Variants in GPHN observed in about 807,000 individuals in gnomAD.
GPHN encodes gephyrin.
Under a neutral mutation model 95.5 loss-of-function variants are expected in GPHN, and 17 were observed. That is an observed-to-expected ratio of 0.18 (90% CI 0.12 to 0.27). The LOEUF is 0.27. Ranked by LOEUF, GPHN falls within the 10% of genes least tolerant of loss-of-function variation. The pLI, the probability that GPHN is intolerant of heterozygous loss-of-function variation, is 1.00. For missense variants in GPHN, 660 were observed against 978.1 expected, an observed-to-expected ratio of 0.67 and a Z score of 4.34; for synonymous variants, 320 against 322.5, an observed-to-expected ratio of 0.99 and a Z score of 0.08.
intron 1 of GPHN, among the ~76,000 whole-genome samples, chr14:66,589,601 T>C (rs2061557532): frequency 1.3e-5 from 2 of 151,632 alleles, no homozygotes; most frequent in African/African-American, 4.8e-5. Context: ...CATTACATAA[T>C]GGTAAAGGGA....
rs558005201 is a variant in GPHN at position 66,900,658 on chromosome 14, T to C, written c.390-15345T>C. 2.7e-4 allele frequency among the ~76,000 whole-genome samples: 41 copies of C among 152,088 alleles called. 2 individuals carry two copies. In the South Asian group the frequency reaches 8.1e-3, roughly 30 times the overall value. Reference sequence around the variant, plus strand: ...CTTGCGACATTCTTCCTTCTGTGCTTGCCTTGTTTCATTTAACATAATGAC... The same window carrying C: ...CTTGCGACATTCTTCCTTCTGTGCTCGCCTTGTTTCATTTAACATAATGAC... On this transcript the variant is annotated intron_variant, in intron 5 of 22. Transcript: ENST00000478722.
chr14:67,725,969 G>A, the GPHN span: 9 of 933,256 alleles, frequency 9.6e-6, no homozygotes, highest in Non-Finnish European at 1.6e-5. Flanking sequence ...TGAACAAAGG[G>A]AAAGGGCAAT....
At chr14:67,600,463 G>A in the GPHN span, among the ~76,000 whole-genome samples, 24 of 152,206 alleles carry the variant, frequency 1.6e-4, no homozygotes, top group African/African-American at 5.8e-4. Flanking sequence ...TAGACCGGGC[G>A]CGTTGACTCA....
intron 4 of GPHN, among the ~76,000 whole-genome samples, chr14:66,857,267 A>G (rs1341084626): frequency 6.6e-6 from 1 of 152,214 alleles, no homozygotes; most frequent in Non-Finnish European, 1.5e-5. Flanking sequence ...AATAAAGGCA[A>G]TGATCAAAGA....
chr14:67,685,096 T>C, the GPHN span: 3 of 1,614,124 alleles, frequency 1.9e-6, no homozygotes, highest in Non-Finnish European at 1.7e-6. Flanking sequence ...CTGAGGAGTC[T>C]TGATGAAAAA....
At chr14:66,848,180 TATATC>T (rs972169190) in intron 4 of GPHN, among the ~76,000 whole-genome samples, 2 of 152,082 alleles carry the variant, frequency 1.3e-5, no homozygotes, top group African/African-American at 4.8e-5. Context: ...GTTTTTTACT[TATATC>T]AGCAACATAA....
At chr14:67,010,566 A>G (rs144697257) in intron 9 of GPHN, among the ~76,000 whole-genome samples, 8,896 of 151,520 alleles carry the variant, frequency 0.059, 315 homozygotes, top group Middle Eastern at 0.088. Context: ...AAAAAAAAAA[A>G]AAAGAAAGAA....
At chr14:66,792,487 G>GA (rs113886078) in intron 3 of GPHN, among the ~76,000 whole-genome samples, 2,441 of 113,098 alleles carry the variant, frequency 0.022, 24 homozygotes, top group African/African-American at 0.043. Flanking sequence ...CACAGAAAAA[G>GA]AAAAAAAAAA....
intron 9 of GPHN, among the ~76,000 whole-genome samples, chr14:67,000,664 A>G (rs2072151949): frequency 6.6e-6 from 1 of 151,676 alleles, no homozygotes; most frequent in Admixed American, 6.6e-5. Context: ...CTGCTATTAA[A>G]ATTTATTGAT....
chr14:66,896,036 C>T (rs1447658240), intron 5 of GPHN, among the ~76,000 whole-genome samples: 5 of 152,198 alleles, frequency 3.3e-5, no homozygotes, highest in African/African-American at 1.2e-4. Flanking sequence ...ATGGCCCTTT[C>T]TTGCTGCATC....
At chr14:66,575,102 A>G (rs1333305586) in intron 1 of GPHN, among the ~76,000 whole-genome samples, 2 of 152,186 alleles carry the variant, frequency 1.3e-5, no homozygotes, top group African/African-American at 2.4e-5. Flanking sequence ...ACCTTGACTA[A>G]TACAGTGAGT....
the GPHN span, chr14:67,724,496 G>A: frequency 1.2e-5 from 20 of 1,607,836 alleles, no homozygotes; most frequent in Non-Finnish European, 1.7e-5. Flanking sequence ...GGTGGAGTGT[G>A]TAGAACAAAT....
chr14:66,890,803 G>GA (rs60166095), intron 5 of GPHN, among the ~76,000 whole-genome samples: 44,334 of 150,038 alleles, frequency 0.3, 10,531 homozygotes, highest in African/African-American at 0.63. Flanking sequence ...AGAATGGAGG[G>GA]AAAAAAAAAC....
intron 3 of GPHN, among the ~76,000 whole-genome samples, chr14:66,818,673 G>A (rs1197343784): frequency 5.3e-5 from 8 of 152,170 alleles, no homozygotes; most frequent in South Asian, 2.1e-4. Flanking sequence ...TTGAGGAATC[G>A]CGACACTGTC....
chr14:67,168,362 T>C (rs559220627), intron 20 of GPHN, among the ~76,000 whole-genome samples: 42 of 152,328 alleles, frequency 2.8e-4, no homozygotes, highest in Middle Eastern at 3.4e-3. Context: ...GTCAATCATA[T>C]TGGAGTTATA....
At chr14:66,564,756 T>C (rs1456481664) in intron 1 of GPHN, among the ~76,000 whole-genome samples, 1 of 152,194 alleles carries the variant, frequency 6.6e-6, no homozygotes, top group Non-Finnish European at 1.5e-5. Flanking sequence ...TGTGTGCGTG[T>C]GCATGCATAT....
chr14:67,194,438 C>CGTGT, the GPHN span, among the ~76,000 whole-genome samples: 63 of 150,856 alleles, frequency 4.2e-4, no homozygotes, highest in African/African-American at 1.5e-3. Flanking sequence ...ATGAGGGGGG[C>CGTGT]GTGTGTGTGT....
At chr14:66,843,790 T>G (rs997694350) in intron 4 of GPHN, among the ~76,000 whole-genome samples, 2 of 152,198 alleles carry the variant, frequency 1.3e-5, no homozygotes, top group Admixed American at 1.3e-4. Context: ...TCCTTTCTGC[T>G]TTTTTATACA....
chr14:67,089,161 A>ATTTT (rs2077049176), intron 12 of GPHN, 86 bp downstream of exon 12: 2 of 450,656 alleles, frequency 4.4e-6, no homozygotes, highest in African/African-American at 2.3e-5. Context: ...TTTTTTTTCA[A>ATTTT]ATTTTTGGCT....
Sources: gnomAD v4.1 joint callset for allele counts (sites outside exome capture counted in the v4.1 genomes callset) on GRCh38, gnomAD v4.1.1 for gene constraint, MANE v1.5 for transcripts, NCBI Gene and HGNC (gene_info 2026-07-23, HGNC 2026-07-21) for gene names.